Variants in COTL1 observed in about 807,000 individuals in gnomAD.
The protein encoded by COTL1 is coactosin-like protein.
In COTL1, 15 loss-of-function variants were observed where a neutral mutation model predicts 16.5. The ratio of observed to expected loss-of-function variants is 0.91; its 90% CI spans 0.61 to 1.40. The LOEUF (loss-of-function observed/expected upper bound fraction) is 1.40, where lower values mean the gene tolerates loss of function less well. Ranked by LOEUF, COTL1 falls within the 40% of genes most tolerant of loss-of-function variation. COTL1 has a pLI of 0.00. For missense variants in COTL1, 220 were observed against 201.5 expected, an observed-to-expected ratio of 1.09 and a Z score of -0.56; for synonymous variants, 112 against 85.3, an observed-to-expected ratio of 1.31 and a Z score of -1.73.
chr16:84,589,370 A>AC (rs1336020156), intron 3 of COTL1, among the ~76,000 whole-genome samples: 6 of 152,060 alleles, frequency 3.9e-5, no homozygotes, highest in South Asian at 4.1e-4. Flanking sequence ...GGGCAGTGGT[A>AC]CCCCCCGCCC....
chr16:84,596,348 A>G (rs1355331365), intron 2 of COTL1: 2 of 152,296 alleles, frequency 1.3e-5, no homozygotes, highest in Non-Finnish European at 2.9e-5. Flanking sequence ...CCCAGCCCAG[A>G]GTCCTGAATG....
At chr16:84,596,725 C>T (rs975863719) in intron 2 of COTL1, 24 of 152,680 alleles carry the variant, frequency 1.6e-4, no homozygotes, top group Admixed American at 4.6e-4. Context: ...TCTCCACACA[C>T]ACACTCCCCA....
intron 3 of COTL1, among the ~76,000 whole-genome samples, chr16:84,587,833 T>C (rs1438259872): frequency 2.0e-5 from 3 of 152,074 alleles, no homozygotes; most frequent in Admixed American, 6.6e-5. Flanking sequence ...CAAAAAAGGC[T>C]AGATCTTGGC....
chr16:84,573,654 C>G (rs1383488881), intron 3 of COTL1, among the ~76,000 whole-genome samples: 1 of 151,846 alleles, frequency 6.6e-6, no homozygotes, highest in Non-Finnish European at 1.5e-5. Context: ...GCGGGAGAAT[C>G]GCTTGAACCG....
At chr16:84,614,735 A>G (rs1905427314) in intron 2 of COTL1, among the ~76,000 whole-genome samples, 1 of 152,164 alleles carries the variant, frequency 6.6e-6, no homozygotes, top group African/African-American at 2.4e-5. Flanking sequence ...CTTTCTTCTC[A>G]GGCCTGTCAG....
intron 2 of COTL1, among the ~76,000 whole-genome samples, chr16:84,592,023 C>T (rs549999558): frequency 6.6e-6 from 1 of 152,188 alleles, no homozygotes; most frequent in Non-Finnish European, 1.5e-5. Flanking sequence ...CTGGTAGGAA[C>T]CATCCCGTAA....
chr16:84,598,389 A>G (rs1398307927), intron 2 of COTL1, among the ~76,000 whole-genome samples: 1 of 152,170 alleles, frequency 6.6e-6, no homozygotes, highest in Non-Finnish European at 1.5e-5. Flanking sequence ...CCTCAGTCCA[A>G]TGCCCAGGTC....
chr16:84,577,248 TG>T (rs1904473498), intron 3 of COTL1, among the ~76,000 whole-genome samples: 1 of 152,176 alleles, frequency 6.6e-6, no homozygotes, highest in South Asian at 2.1e-4. Context: ...GTTTTGGTTT[TG>T]GTTTTGGTTT....
At chr16:84,598,141 G>A (rs1658309945) in intron 2 of COTL1, among the ~76,000 whole-genome samples, 1 of 152,154 alleles carries the variant, frequency 6.6e-6, no homozygotes, top group Non-Finnish European at 1.5e-5. Flanking sequence ...CACGCTGGAT[G>A]TCCCTGATTT....
At chr16:84,579,925 T>C (rs1404030398) in intron 3 of COTL1, among the ~76,000 whole-genome samples, 3 of 152,126 alleles carry the variant, frequency 2.0e-5, no homozygotes, top group African/African-American at 4.8e-5. Flanking sequence ...CACAAAGAGC[T>C]CTCCAGATTC....
chr16:84,601,136 T>A (rs983949434), intron 2 of COTL1, among the ~76,000 whole-genome samples: 1 of 152,200 alleles, frequency 6.6e-6, no homozygotes, highest in Admixed American at 6.5e-5. Context: ...TGAACAGCCC[T>A]GGCACACACT....
At chr16:84,568,303 C>T (rs1904307536) in intron 3 of COTL1, 1 of 152,184 alleles carries the variant, frequency 6.6e-6, no homozygotes, top group Non-Finnish European at 1.5e-5. Context: ...CGGCTAACCA[C>T]AATTATTAAG....
At chr16:84,572,419 G>A (rs1904353477) in intron 3 of COTL1, among the ~76,000 whole-genome samples, 1 of 152,220 alleles carries the variant, frequency 6.6e-6, no homozygotes, top group South Asian at 2.1e-4. Context: ...TTCATCAGAA[G>A]GAGACTTCCA....
intron 3 of COTL1, among the ~76,000 whole-genome samples, chr16:84,581,360 G>C (rs997504322): frequency 6.6e-6 from 1 of 152,130 alleles, no homozygotes; most frequent in African/African-American, 2.4e-5. Context: ...TGAAGGCAGC[G>C]AACAGTCTGT....
intron 3 of COTL1, among the ~76,000 whole-genome samples, chr16:84,577,995 G>A (rs1483331094): frequency 1.3e-5 from 2 of 151,850 alleles, no homozygotes; most frequent in East Asian, 1.9e-4. Flanking sequence ...TTCTAACTAC[G>A]GCTTCATCTA....
chr16:84,608,588 G>A (rs371876193), intron 2 of COTL1, among the ~76,000 whole-genome samples: 1 of 152,182 alleles, frequency 6.6e-6, no homozygotes, highest in African/African-American at 2.4e-5. Context: ...TAATGTTTTC[G>A]CAGCCCTTCA....
At chr16:84,603,606 G>A (rs539609016) in intron 2 of COTL1, among the ~76,000 whole-genome samples, 1 of 152,166 alleles carries the variant, frequency 6.6e-6, no homozygotes, top group South Asian at 2.1e-4. Context: ...GGATGATAAG[G>A]ACAAGGCGGC....
chr16:84,581,613 C>G (rs1904595792), intron 3 of COTL1, among the ~76,000 whole-genome samples: 1 of 152,156 alleles, frequency 6.6e-6, no homozygotes, highest in South Asian at 2.1e-4. Context: ...AAGCGATTCT[C>G]CTGCCGCAGC....
chr16:84,589,955 C>T, intron 3 of COTL1, 150 bp downstream of exon 3: 2 of 686,128 alleles, frequency 2.9e-6, no homozygotes, highest in Admixed American at 3.1e-5. Flanking sequence ...GACATTTCAC[C>T]AATGGCTTTA....
Sources: gnomAD v4.1 joint callset for allele counts (sites outside exome capture counted in the v4.1 genomes callset) on GRCh38, gnomAD v4.1.1 for gene constraint, MANE v1.5 for transcripts, NCBI Gene and HGNC (gene_info 2026-07-23, HGNC 2026-07-21) for gene names.